Variants in DPP6 observed in about 807,000 individuals in gnomAD.
DPP6 encodes the protein A-type potassium channel modulatory protein DPP6.
DPP6 carries 69 observed loss-of-function variants against 122.6 expected under a neutral mutation model. That is an observed-to-expected ratio of 0.56 (90% CI 0.46 to 0.69). The LOEUF (loss-of-function observed/expected upper bound fraction) is 0.69, where lower values mean the gene tolerates loss of function less well. DPP6 is among the 30% of genes least tolerant of loss of function. The pLI, the probability that DPP6 is intolerant of heterozygous loss-of-function variation, is 0.00. For synonymous variants in DPP6, 418 were observed against 433.1 expected (o/e 0.97, Z 0.43); for missense variants, 928 against 1,116.9 (o/e 0.83, Z 2.41).
chr7:153,931,230 G>A (rs756965550), intron 1 of DPP6, among the ~76,000 whole-genome samples: 26 of 152,114 alleles, frequency 1.7e-4, no homozygotes, highest in Admixed American at 6.5e-5. Context: ...TAAGAGTCAG[G>A]CTAGAACTAT....
chr7:154,205,255 C>T (rs376347238), intron 1 of DPP6, among the ~76,000 whole-genome samples: 3 of 152,108 alleles, frequency 2.0e-5, no homozygotes, highest in Non-Finnish European at 4.4e-5. Flanking sequence ...AGTGGTAACA[C>T]CCAGGACATT....
At chr7:154,477,176 C>A (rs528776046) in intron 3 of DPP6, among the ~76,000 whole-genome samples, 61 of 152,202 alleles carry the variant, frequency 4.0e-4, no homozygotes, top group Admixed American at 6.5e-4. Flanking sequence ...GCTATTACGT[C>A]TTTAGGGAGC....
the DPP6 span, among the ~76,000 whole-genome samples, chr7:153,858,449 G>T: frequency 2.0e-5 from 3 of 152,150 alleles, no homozygotes; most frequent in East Asian, 1.9e-4. Context: ...CTCAAGACGG[G>T]ACTCTTGTTC....
At chr7:154,666,153 A>T (rs150598027) in intron 6 of DPP6, among the ~76,000 whole-genome samples, 1 of 149,820 alleles carries the variant, frequency 6.7e-6, no homozygotes, top group Admixed American at 6.7e-5. Context: ...ATATATAATT[A>T]TATCATACTA....
intron 4 of DPP6, among the ~76,000 whole-genome samples, chr7:154,566,278 GCTCT>G (rs553763548): frequency 1.4e-4 from 21 of 151,804 alleles, no homozygotes; most frequent in South Asian, 2.1e-4. Flanking sequence ...TTCTTTTCTT[GCTCT>G]CTCTATTTTT....
intron 6 of DPP6, among the ~76,000 whole-genome samples, chr7:154,641,508 C>T (rs1836088023): frequency 6.6e-6 from 1 of 152,128 alleles, no homozygotes; most frequent in African/African-American, 2.4e-5. Flanking sequence ...TACTGCATGA[C>T]ATTTTCCTGG....
chr7:154,052,532 A>G lies in DPP6; in HGVS notation c.-289A>G. 1 of 911,522 alleles carries G rather than the reference A, an allele frequency of 1.1e-6. No individual in the cohort carries two copies. The highest frequency in any genetic ancestry group is 1.4e-6 in the Non-Finnish European group (1 of 725,340). The allele number at this position is 911,522 out of a possible 1,614,324, so 56.5% of individuals were successfully genotyped here. The stretch of plus-strand genomic sequence containing the variant: ...GTGGCTGTGGCAAGGAGTTGGGGAA[A>G]AAAATTATAAAAACAGGAAAGAGAG... On this transcript the variant is annotated 5_prime_UTR_variant, in exon 1 of 26. Transcript: ENST00000377770. The surrounding 1 kb of genome is among the most constrained non-coding windows in gnomAD (Gnocchi z 4.8).
At chr7:154,479,978 C>G (rs1823109837) in intron 3 of DPP6, among the ~76,000 whole-genome samples, 2 of 152,060 alleles carry the variant, frequency 1.3e-5, no homozygotes, top group African/African-American at 4.8e-5. Context: ...GTCAACTGGC[C>G]TCAACACTGC....
chr7:153,956,138 G>A (rs1419916988), intron 1 of DPP6, among the ~76,000 whole-genome samples: 1 of 152,204 alleles, frequency 6.6e-6, no homozygotes, highest in East Asian at 1.9e-4. Context: ...CCTGGTGTAG[G>A]AGGCAGTGAA....
chr7:154,663,272 T>C (rs1251944804), intron 6 of DPP6, among the ~76,000 whole-genome samples: 1 of 57,978 alleles, frequency 1.7e-5, no homozygotes, highest in Non-Finnish European at 5.3e-5. Context: ...GTAGTGTTCA[T>C]ATAGTCATGG....
chr7:153,950,922 C>T (rs1282777453), intron 1 of DPP6, among the ~76,000 whole-genome samples: 4 of 152,122 alleles, frequency 2.6e-5, no homozygotes, highest in African/African-American at 4.8e-5. Context: ...CGTAGGTGTG[C>T]GTGCGGTGCC....
At chr7:154,200,590 T>G (rs1436370457) in intron 1 of DPP6, among the ~76,000 whole-genome samples, 1 of 152,192 alleles carries the variant, frequency 6.6e-6, no homozygotes, top group Non-Finnish European at 1.5e-5. Context: ...CATTTTTGTC[T>G]TAGAAAATGT....
Position 154,447,392 on chromosome 7 carries a change from A to T in DPP6, c.358+1064A>T, listed in dbSNP as rs556042653. 2.6e-5 allele frequency among the ~76,000 whole-genome samples: 4 copies of T among 152,328 alleles called. No homozygotes were observed. The South Asian group carries it at 8.3e-4, about 32-fold the overall frequency. On this transcript the variant is annotated intron_variant, in intron 2 of 25. Coordinates refer to ENST00000377770, the MANE Select transcript of DPP6 (RefSeq NM_130797.4). ...GTATGTAACTGTTTTATCCGTTCTC[A>T]TGATCATAGTAGATGCCTATTTGTG... is the stretch of plus-strand genomic sequence containing the variant.
intron 1 of DPP6, among the ~76,000 whole-genome samples, chr7:154,157,818 A>G (rs1408186425): frequency 6.6e-6 from 1 of 152,112 alleles, no homozygotes; most frequent in African/African-American, 2.4e-5. Context: ...CTGTAATCCC[A>G]ACTACTCAGG....
At chr7:154,805,996 G>T (rs1240266702) in intron 15 of DPP6, among the ~76,000 whole-genome samples, 1 of 152,210 alleles carries the variant, frequency 6.6e-6, no homozygotes, top group Non-Finnish European at 1.5e-5. Context: ...CTGGGACATT[G>T]GGAAGCCCCC....
intron 3 of DPP6, chr7:154,475,372 T>A: frequency 5.8e-6 from 2 of 341,884 alleles, no homozygotes; most frequent in South Asian, 4.8e-5. Context: ...ACAGGAACAG[T>A]GCAGGGCACG....
intron 7 of DPP6, among the ~76,000 whole-genome samples, chr7:154,672,127 G>C (rs1838605562): frequency 6.6e-6 from 1 of 152,150 alleles, no homozygotes; most frequent in Non-Finnish European, 1.5e-5. Flanking sequence ...GTGATAGTGA[G>C]TTCTCACGAG....
At chr7:153,799,304 A>G in the DPP6 span, among the ~76,000 whole-genome samples, 1 of 152,186 alleles carries the variant, frequency 6.6e-6, no homozygotes, top group Admixed American at 6.5e-5. Context: ...TTTTTATGGA[A>G]CTAGTCAGCC....
the DPP6 span, among the ~76,000 whole-genome samples, chr7:153,876,558 C>A: frequency 9.9e-5 from 15 of 152,100 alleles, no homozygotes; most frequent in African/African-American, 3.6e-4. Context: ...CTAAACAACT[C>A]ATTGGCCAAA....
Sources: gnomAD v4.1 joint callset for allele counts (sites outside exome capture counted in the v4.1 genomes callset) on GRCh38, gnomAD v4.1.1 for gene constraint, Gnocchi (gnomAD v3.1) non-coding constraint, MANE v1.5 for transcripts, NCBI Gene and HGNC (gene_info 2026-07-23, HGNC 2026-07-21) for gene names.